The following ROBO2 variants were observed in gnomAD, a reference collection of about 807,000 sequenced individuals.
ROBO2 encodes roundabout homolog 2.
In ROBO2, 53 loss-of-function variants were observed where a neutral mutation model predicts 160.8. The ratio of observed to expected loss-of-function variants is 0.33; its 90% CI spans 0.26 to 0.41. The LOEUF (loss-of-function observed/expected upper bound fraction) is 0.41, where lower values mean the gene tolerates loss of function less well. Ranked by LOEUF, ROBO2 falls within the 10% of genes least tolerant of loss-of-function variation. ROBO2 has a pLI of 1.00. For missense variants in ROBO2, 1,577 were observed against 1,722.4 expected, an observed-to-expected ratio of 0.92 and a Z score of 1.49; for synonymous variants, 664 against 611.7, an observed-to-expected ratio of 1.09 and a Z score of -1.26.
rs35750191 is a variant in ROBO2 at position 76,165,346 on chromosome 3, A to ATT, written c.109+227754_109+227755dup. 1.9e-3 allele frequency among the ~76,000 whole-genome samples: 289 copies of ATT among 148,332 alleles called. 1 individual carries two copies. The highest frequency in any genetic ancestry group is 0.01 in the Middle Eastern group (3 of 286). On this transcript the variant is annotated intron_variant, in intron 2 of 26. Transcript: ENST00000487694. ...ATGAGCTAATTTCTGCTGGCTTCCCATTTTTTTTTTTCTGTAGCTTCCTCA... is the reference window on the plus strand; with the variant it reads ...ATGAGCTAATTTCTGCTGGCTTCCCATTTTTTTTTTTTTCTGTAGCTTCCTCA...
At chr3:76,232,929 A>C (rs566115946) in intron 2 of ROBO2, among the ~76,000 whole-genome samples, 17 of 152,308 alleles carry the variant, frequency 1.1e-4, no homozygotes, top group African/African-American at 4.1e-4. Context: ...CAAATTGGCT[A>C]ACCTACTTGT....
At chr3:76,361,586 A>G (rs943510429) in intron 2 of ROBO2, among the ~76,000 whole-genome samples, 6 of 152,096 alleles carry the variant, frequency 3.9e-5, no homozygotes, top group Non-Finnish European at 8.8e-5. Flanking sequence ...ACAAAAATTA[A>G]TAATTACTCA....
At chr3:76,781,343 G>A (rs1344932445) in intron 2 of ROBO2, among the ~76,000 whole-genome samples, 1 of 150,512 alleles carries the variant, frequency 6.6e-6, no homozygotes, top group East Asian at 2.0e-4. Flanking sequence ...ATAAGATCAG[G>A]TTATATGCAG....
intron 18 of ROBO2, 57 bp from the exon 20 acceptor site, chr3:77,596,566 G>A: frequency 6.2e-7 from 1 of 1,606,964 alleles, no homozygotes; most frequent in Non-Finnish European, 8.5e-7. Context: ...CATGAGACGA[G>A]TGTCAAAATC....
At chr3:76,416,787 CT>C (rs62679160) in intron 2 of ROBO2, among the ~76,000 whole-genome samples, 5,836 of 152,268 alleles carry the variant, frequency 0.038, 265 homozygotes, top group African/African-American at 0.11. Context: ...GCGCCGTCAA[CT>C]TTCTTTCTTG....
At chr3:77,242,954 T>C (rs2089244628) in intron 2 of ROBO2, among the ~76,000 whole-genome samples, 1 of 151,360 alleles carries the variant, frequency 6.6e-6, no homozygotes, top group South Asian at 2.1e-4. Context: ...AGAGTGAATA[T>C]GTGTGTGTGT....
At position 77,417,614 on chromosome 3, in the gene ROBO2, G is replaced by A. The variant is rs373833742; in HGVS notation, c.389-59800G>A. 2.6e-5 allele frequency among the ~76,000 whole-genome samples: 4 copies of A among 152,106 alleles called. No individual in the cohort carries two copies. The East Asian group carries it at 7.7e-4, about 29-fold the overall frequency. On this transcript the variant is annotated intron_variant, in intron 2 of 25. Coordinates refer to ENST00000461745, the Ensembl canonical transcript of ROBO2. ...TTGACCAATCCACAAAAACTCCATT[G>A]ATTTGTACCACTTTAGTCTATGGAT... is the stretch of plus-strand genomic sequence containing the variant.
At chr3:76,543,303 AG>A (rs2082914244) in intron 2 of ROBO2, among the ~76,000 whole-genome samples, 1 of 152,138 alleles carries the variant, frequency 6.6e-6, no homozygotes, top group South Asian at 2.1e-4. Context: ...ATTAAGGTTA[AG>A]TGAGTTCATA....
intron 2 of ROBO2, among the ~76,000 whole-genome samples, chr3:76,361,202 A>G (rs2075498266): frequency 6.6e-6 from 1 of 152,078 alleles, no homozygotes; most frequent in African/African-American, 2.4e-5. Context: ...TGAGTGTTTT[A>G]TCAAACCAGC....
chr3:77,140,251 T>C (rs956903178), intron 2 of ROBO2, among the ~76,000 whole-genome samples: 1 of 152,132 alleles, frequency 6.6e-6, no homozygotes, highest in African/African-American at 2.4e-5. Context: ...TAGATTAAGA[T>C]GAAATGTTTT....
At chr3:77,544,815 G>A (rs1323001800) in intron 6 of ROBO2, among the ~76,000 whole-genome samples, 3 of 152,080 alleles carry the variant, frequency 2.0e-5, no homozygotes, top group African/African-American at 7.2e-5. Flanking sequence ...GCGAGTTAAA[G>A]TGGATATAGA....
intron 2 of ROBO2, among the ~76,000 whole-genome samples, chr3:76,920,135 G>C (rs542098100): frequency 6.6e-6 from 1 of 151,740 alleles, no homozygotes; most frequent in African/African-American, 2.4e-5. Context: ...TTGGCTTTCC[G>C]TTATTTTATT....
intron 2 of ROBO2, among the ~76,000 whole-genome samples, chr3:76,049,633 A>G (rs1308662180): frequency 1.3e-5 from 2 of 151,930 alleles, no homozygotes; most frequent in South Asian, 2.1e-4. Flanking sequence ...AAAGTTATTT[A>G]TATCACACTC....
At chr3:77,487,059 T>C (rs2153595193) in intron 4 of ROBO2, among the ~76,000 whole-genome samples, 1 of 152,290 alleles carries the variant, frequency 6.6e-6, no homozygotes, top group African/African-American at 2.4e-5. Flanking sequence ...TTGATGATAC[T>C]GGTTTTCAGT....
intron 2 of ROBO2, among the ~76,000 whole-genome samples, chr3:77,254,563 T>C (rs919613853): frequency 3.3e-5 from 5 of 152,180 alleles, no homozygotes; most frequent in African/African-American, 1.2e-4. Context: ...GATGTTGAAG[T>C]TGAATACCTT....
chr3:77,562,806 G>C (rs531224764), intron 10 of ROBO2, 74 bp downstream of exon 11: 2 of 1,058,460 alleles, frequency 1.9e-6, no homozygotes, highest in Non-Finnish European at 2.9e-6. Flanking sequence ...TAAGTTAAGG[G>C]GGGATCAAAG....
intron 2 of ROBO2, among the ~76,000 whole-genome samples, chr3:76,857,789 C>T (rs1176596471): frequency 1.3e-5 from 2 of 152,154 alleles, no homozygotes; most frequent in African/African-American, 2.4e-5. Context: ...CAGCTTCTCA[C>T]GGCTTTTAGC....
intron 2 of ROBO2, among the ~76,000 whole-genome samples, chr3:76,701,821 A>G (rs1173711924): frequency 6.7e-6 from 1 of 150,136 alleles, no homozygotes; most frequent in Non-Finnish European, 1.5e-5. Context: ...ACCAATATAT[A>G]ATTACCTTGA....
At chr3:76,161,038 G>GA (rs2072612227) in intron 2 of ROBO2, among the ~76,000 whole-genome samples, 1 of 151,944 alleles carries the variant, frequency 6.6e-6, no homozygotes. Flanking sequence ...AAACCTAAAG[G>GA]AAAACACACT....
Sources: allele counts gnomAD v4.1 joint callset (sites outside exome capture counted in the v4.1 genomes callset), GRCh38; gene constraint gnomAD v4.1.1; transcripts MANE v1.5; gene names NCBI Gene and HGNC (gene_info 2026-07-23, HGNC 2026-07-21).